Variants in RUNX2 observed in about 807,000 individuals in gnomAD.
The protein encoded by RUNX2 is runt-related transcription factor 2.
A neutral mutation model predicts 51.7 loss-of-function variants in RUNX2; 10 were observed. That is an observed-to-expected ratio of 0.19 (90% CI 0.12 to 0.33). RUNX2 has a LOEUF of 0.33. Ranked by LOEUF, RUNX2 falls within the 10% of genes least tolerant of loss-of-function variation. The pLI is 1.00. For synonymous variants in RUNX2, 276 were observed against 273.6 expected (o/e 1.01, Z -0.09); for missense variants, 562 against 691.3 (o/e 0.81, Z 2.10).
At chr6:45,352,528 T>C (rs1349485739) in intron 2 of RUNX2, among the ~76,000 whole-genome samples, 1 of 152,056 alleles carries the variant, frequency 6.6e-6, no homozygotes, top group Non-Finnish European at 1.5e-5. Context: ...AAACAAAAAC[T>C]ATAAAAATAA....
intron 6 of RUNX2, among the ~76,000 whole-genome samples, chr6:45,492,856 A>C (rs1800526057): frequency 6.6e-6 from 1 of 152,220 alleles, no homozygotes; most frequent in Non-Finnish European, 1.5e-5. Context: ...GAGTGTATTA[A>C]TTATTATAAA....
chr6:45,534,620 A>G (rs1801975197), intron 7 of RUNX2, among the ~76,000 whole-genome samples: 2 of 152,230 alleles, frequency 1.3e-5, no homozygotes. Context: ...ACTAACTGGT[A>G]GTCAGGGCAG....
At position 45,446,434 on chromosome 6, in the gene RUNX2, A is replaced by G. The variant is rs536611572; in HGVS notation, c.685+8383A>G. Among the ~76,000 whole-genome samples, 32 of 152,238 alleles carry G rather than the reference A, an allele frequency of 2.1e-4. No homozygotes were observed. In the South Asian group the frequency reaches 6.4e-3, roughly 31 times the overall value. ...TAAGTCAGAGATCATTCATTCTGAA[A>G]ATAGTGTTAGGGACTTGACAGGGAC... On this transcript the variant is annotated intron_variant, in intron 5 of 8. Transcript: ENST00000647337.
chr6:45,386,768 T>C (rs1005136495), intron 2 of RUNX2, among the ~76,000 whole-genome samples: 1 of 152,184 alleles, frequency 6.6e-6, no homozygotes, highest in African/African-American at 2.4e-5. Context: ...GTCAGTGTGT[T>C]GGAGGAAACT....
At chr6:45,514,853 C>T (rs1247619005) in intron 7 of RUNX2, among the ~76,000 whole-genome samples, 1 of 152,038 alleles carries the variant, frequency 6.6e-6, no homozygotes, top group Non-Finnish European at 1.5e-5. Context: ...TATGATTCCT[C>T]TCAACATCTA....
chr6:45,342,464 T>C (rs556192896), intron 2 of RUNX2, among the ~76,000 whole-genome samples: 6 of 152,266 alleles, frequency 3.9e-5, no homozygotes, highest in African/African-American at 1.4e-4. Context: ...TTTCAACATG[T>C]TGGCCAGGAT....
chr6:45,547,586 T>C lies in RUNX2; in HGVS notation c.*281T>C. The stretch of plus-strand genomic sequence containing the variant: ...AAAGGAACAAAGAAGGGAAAAGGTA[T>C]TTTTGTTTTTGTTGTTTGGTCTGTT... On this transcript the variant is annotated 3_prime_UTR_variant, in exon 9 of 9. Coordinates refer to ENST00000647337, the MANE Select transcript of RUNX2 (RefSeq NM_001024630.4). 2.2e-6 allele frequency: 1 copy of C among 460,622 alleles called. No homozygotes were observed. Among genetic ancestry groups the C allele is most frequent in the African/African-American group, 2.0e-5 (1 of 50,802 alleles). 28.5% of individuals were successfully genotyped at this position (460,622 alleles called of 1,614,324 possible). A position where few individuals can be genotyped will look rare whatever the true frequency, so the allele number is the denominator to read the frequency against.
At chr6:45,450,094 G>T (rs1231410708) in intron 5 of RUNX2, among the ~76,000 whole-genome samples, 2 of 152,178 alleles carry the variant, frequency 1.3e-5, no homozygotes, top group Admixed American at 1.3e-4. Flanking sequence ...GCTACAGAAT[G>T]GCATGACCAC....
intron 6 of RUNX2, among the ~76,000 whole-genome samples, chr6:45,508,923 G>C (rs1801060201): frequency 6.6e-6 from 1 of 152,144 alleles, no homozygotes; most frequent in Admixed American, 6.5e-5. Context: ...TGAGTACTAT[G>C]TGCAAGGCAT....
chr6:45,373,274 C>T (rs186576515), intron 2 of RUNX2, among the ~76,000 whole-genome samples: 1 of 152,188 alleles, frequency 6.6e-6, no homozygotes, highest in East Asian at 1.9e-4. Context: ...CTTATTTAAC[C>T]TTCACTACCC....
chr6:45,417,991 A>G (rs1798100271), intron 2 of RUNX2, among the ~76,000 whole-genome samples: 1 of 152,316 alleles, frequency 6.6e-6, no homozygotes, highest in African/African-American at 2.4e-5. Flanking sequence ...CCTTCTGTCA[A>G]TCAGAGTCCA....
chr6:45,334,664 TTGTCTTAACATTTTTATACA>T (rs1039011168), intron 2 of RUNX2, among the ~76,000 whole-genome samples: 3 of 151,176 alleles, frequency 2.0e-5, no homozygotes, highest in Admixed American at 6.6e-5. Context: ...CTGGCTATGT[TTGTCTTAACATTTTTATACA>T]TGGCATATAC....
intron 7 of RUNX2, among the ~76,000 whole-genome samples, chr6:45,534,384 C>T (rs1358272671): frequency 6.6e-6 from 1 of 152,168 alleles, no homozygotes; most frequent in Non-Finnish European, 1.5e-5. Flanking sequence ...ATCCTGACTA[C>T]CTCTCAGGCT....
intron 2 of RUNX2, among the ~76,000 whole-genome samples, chr6:45,352,721 C>A (rs1792314522): frequency 6.6e-6 from 1 of 151,800 alleles, no homozygotes; most frequent in Admixed American, 6.6e-5. Context: ...GAAATAATTT[C>A]TTTAAAATAG....
intron 5 of RUNX2, among the ~76,000 whole-genome samples, chr6:45,473,110 T>C (rs1420163834): frequency 6.6e-6 from 1 of 152,236 alleles, no homozygotes; most frequent in Non-Finnish European, 1.5e-5. Flanking sequence ...TTCCTTGGTT[T>C]AAATCTTTAT....
intron 2 of RUNX2, among the ~76,000 whole-genome samples, chr6:45,409,254 A>C (rs1038799566): frequency 2.0e-5 from 3 of 152,192 alleles, no homozygotes; most frequent in Non-Finnish European, 2.9e-5. Context: ...ATCACATGTA[A>C]ACTATATATC....
chr6:45,514,875 T>C (rs1259095684), intron 7 of RUNX2, among the ~76,000 whole-genome samples: 4 of 152,074 alleles, frequency 2.6e-5, no homozygotes, highest in Non-Finnish European at 2.9e-5. Context: ...ACCCAATGTC[T>C]AAGTCCATGA....
intron 2 of RUNX2, among the ~76,000 whole-genome samples, chr6:45,340,044 A>C (rs936279166): frequency 6.6e-6 from 1 of 152,192 alleles, no homozygotes; most frequent in African/African-American, 2.4e-5. Context: ...ATGGGATTCC[A>C]ACCCAAGCCT....
intron 2 of RUNX2, among the ~76,000 whole-genome samples, chr6:45,396,185 C>T (rs1219802052): frequency 6.6e-6 from 1 of 152,098 alleles, no homozygotes; most frequent in East Asian, 1.9e-4. Context: ...AGATTCCATA[C>T]TAATTCTCAG....
Sources: allele counts gnomAD v4.1 joint callset (sites outside exome capture counted in the v4.1 genomes callset), GRCh38; gene constraint gnomAD v4.1.1; transcripts MANE v1.5; gene names NCBI Gene and HGNC (gene_info 2026-07-23, HGNC 2026-07-21).